Variants in C17orf99 observed in about 807,000 individuals in gnomAD.
C17orf99 encodes protein IL-40.
In C17orf99, 18 loss-of-function variants were observed where a neutral mutation model predicts 22.6. The ratio of observed to expected loss-of-function variants is 0.80; its 90% CI spans 0.55 to 1.18. The LOEUF is 1.18. C17orf99 is among the 50% of genes most tolerant of loss of function. The pLI, the probability that C17orf99 is intolerant of heterozygous loss-of-function variation, is 0.00. For missense variants in C17orf99, 328 were observed against 342.7 expected (o/e 0.96, Z 0.34); for synonymous variants, 147 against 136.6 (o/e 1.08, Z -0.53).
intron 2 of C17orf99, among the ~76,000 whole-genome samples, chr17:78,156,733 A>C: frequency 6.6e-6 from 1 of 151,908 alleles, no homozygotes; most frequent in East Asian, 1.9e-4. Context: ...TCTCCCCTCA[A>C]CCTCTGGAGT....
At chr17:78,161,306 A>G (rs1409303395) in intron 3 of C17orf99, 52 bp downstream of exon 3, 18 of 1,454,204 alleles carry the variant, frequency 1.2e-5, no homozygotes, top group Non-Finnish European at 1.7e-5. Context: ...GTGCAGATCA[A>G]TGGGGAGCTC....
chr17:78,153,708 G>A (rs942905453), intron 2 of C17orf99, among the ~76,000 whole-genome samples: 3 of 151,996 alleles, frequency 2.0e-5, no homozygotes, highest in Non-Finnish European at 2.9e-5. Flanking sequence ...ACTTCCCCAC[G>A]TGAGGCAGGC....
intron 2 of C17orf99, among the ~76,000 whole-genome samples, chr17:78,148,663 C>T (rs1258171916): frequency 6.6e-6 from 1 of 152,064 alleles, no homozygotes; most frequent in Non-Finnish European, 1.5e-5. Flanking sequence ...CAGCAAGGAC[C>T]CGAAGGAGCC....
At chr17:78,161,633 C>T (rs2075577446) in intron 3 of C17orf99, among the ~76,000 whole-genome samples, 1 of 152,102 alleles carries the variant, frequency 6.6e-6, no homozygotes, top group Non-Finnish European at 1.5e-5. Context: ...CGCTTGAGCC[C>T]AGGAGTTCGA....
At position 78,164,205 on chromosome 17, in the gene C17orf99, C is replaced by G. The variant is rs751240787; in HGVS notation, c.481C>G (p.Leu161Val). The G allele has an allele frequency of 1.2e-5, 19 of 1,551,548 alleles. No homozygotes were observed. In the African/African-American group the frequency reaches 2.5e-4, roughly 20 times the overall value. The change falls in exon 4 of 5, where the codon CTG (leucine) becomes GTG (valine). Residue 161 changes from leucine (L) to valine (V), a missense_variant. By Grantham distance (32) the Leu-to-Val change is conservative. Transcript: ENST00000340363. ...GGGCAGCCCACCTATCACCAACAGCCTGATCGGGAAGGATGGGCAGGTCCA... is the reference window on the plus strand; with the variant it reads ...GGGCAGCCCACCTATCACCAACAGCGTGATCGGGAAGGATGGGCAGGTCCA... ...SSGSPPITNS[L>V]IGKDGQVHLQ... is the part of the protein sequence containing the mutation.
chr17:78,162,609 T>G (rs1157092596), intron 3 of C17orf99, among the ~76,000 whole-genome samples: 1 of 151,940 alleles, frequency 6.6e-6, no homozygotes, highest in Non-Finnish European at 1.5e-5. Flanking sequence ...CTTGAACAAC[T>G]CATTGGACCG....
Position 78,164,112 on chromosome 17 carries a change from C to G in C17orf99, c.388C>G (p.Arg130Gly). 1 of 1,551,698 alleles carries G rather than the reference C, an allele frequency of 6.4e-7. No homozygotes were observed. The highest frequency in any genetic ancestry group is 8.7e-7 in the Non-Finnish European group (1 of 1,147,002). Residue 130 changes from arginine (R) to glycine (G), a missense_variant, in exon 4 of 5, where the codon CGG becomes GGG. Coordinates refer to ENST00000340363, the MANE Select transcript of C17orf99 (RefSeq NM_001163075.2). ...ELWSKPVSEL[R>G]ANFTLQDRGA... ...CCTGCCAGAGCCAGTGTCTGAGCTG[C>G]GGGCCAACTTCACTCTGCAGGACAG...
At chr17:78,147,709 G>T (rs1474150728) in intron 2 of C17orf99, among the ~76,000 whole-genome samples, 1 of 152,186 alleles carries the variant, frequency 6.6e-6, no homozygotes, top group Non-Finnish European at 1.5e-5. Flanking sequence ...TTTTGCTAAA[G>T]GGCAGGTACA....
At chr17:78,155,338 A>G (rs1188802719) in intron 2 of C17orf99, among the ~76,000 whole-genome samples, 1 of 152,090 alleles carries the variant, frequency 6.6e-6, no homozygotes, top group Non-Finnish European at 1.5e-5. Flanking sequence ...CAGTTTCCTC[A>G]TTGCAGGGTG....
At chr17:78,162,310 T>C (rs2075584387) in intron 3 of C17orf99, among the ~76,000 whole-genome samples, 1 of 148,470 alleles carries the variant, frequency 6.7e-6, no homozygotes. Context: ...CCAGGCCACA[T>C]GGCTGGCAAG....
At chr17:78,162,524 G>A (rs1339424094) in intron 3 of C17orf99, among the ~76,000 whole-genome samples, 1 of 152,060 alleles carries the variant, frequency 6.6e-6, no homozygotes, top group East Asian at 1.9e-4. Flanking sequence ...GGAAAAGACA[G>A]CCTAGGGGAG....
At chr17:78,156,507 C>T (rs1241563406) in intron 2 of C17orf99, among the ~76,000 whole-genome samples, 1 of 152,042 alleles carries the variant, frequency 6.6e-6, no homozygotes, top group Non-Finnish European at 1.5e-5. Context: ...TGCTGGAATG[C>T]GCTGACGGGC....
rs143179026 is a variant in C17orf99 at position 78,149,255 on chromosome 17, C to G, written c.70+2344C>G. On this transcript the variant is annotated intron_variant, in intron 2 of 4. Coordinates refer to ENST00000340363, the MANE Select transcript of C17orf99 (RefSeq NM_001163075.2). The stretch of plus-strand genomic sequence containing the variant: ...GCTGAGGTGGGAGAATCCCTTGAAC[C>G]CGGCAGGCGGAGGTTGCAGTGAACC... Among the ~76,000 whole-genome samples the G allele has an allele frequency of 4.8e-3, 713 of 148,496 alleles. 6 individuals are homozygous for G. The highest frequency in any genetic ancestry group is 0.021 in the Middle Eastern group (6 of 282).
In C17orf99 at chr17:78,162,583, A is replaced by G. The variant is rs2075586630; in HGVS notation, c.370+1329A>G. Among the ~76,000 whole-genome samples, 4 of 152,084 alleles carry G rather than the reference A, an allele frequency of 2.6e-5. No homozygotes were observed. In the Middle Eastern group the frequency reaches 0.014, roughly 521 times the overall value. On this transcript the variant is annotated intron_variant, in intron 3 of 4. Coordinates refer to ENST00000340363, the MANE Select transcript of C17orf99 (RefSeq NM_001163075.2). The stretch of plus-strand genomic sequence containing the variant: ...ACGGGTCCAAGGTTCAAATCCCTAC[A>G]CTTACTGGCTGGGGTCTTGAACAAC...
chr17:78,164,015 T>G, intron 3 of C17orf99, 80 bp from the exon 4 acceptor site: 1 of 1,239,202 alleles, frequency 8.1e-7, no homozygotes, highest in East Asian at 2.5e-5. Context: ...TTAGGCATTT[T>G]GTAATGAGGA....
intron 2 of C17orf99, among the ~76,000 whole-genome samples, chr17:78,150,139 A>G (rs2075470062): frequency 6.6e-6 from 1 of 151,564 alleles, no homozygotes; most frequent in Non-Finnish European, 1.5e-5. Flanking sequence ...CTCCAGAGTA[A>G]CTGGGACTAT....
chr17:78,154,746 G>C (rs1029982307), intron 2 of C17orf99, among the ~76,000 whole-genome samples: 1 of 152,052 alleles, frequency 6.6e-6, no homozygotes, highest in African/African-American at 2.4e-5. Flanking sequence ...GGAGGCTAAG[G>C]CAGAAGAATT....
intron 2 of C17orf99, chr17:78,157,603 C>G (rs1462271734): frequency 1.9e-6 from 1 of 538,308 alleles, no homozygotes; most frequent in Non-Finnish European, 3.1e-6. Context: ...TCGAAACCAT[C>G]CTGGCTAAAA....
Position 78,165,959 on chromosome 17 carries a change from G to A in C17orf99, c.711G>A (p.Arg237=). 1 of 1,504,234 alleles carries A rather than the reference G, an allele frequency of 6.6e-7. No homozygotes were observed. Among genetic ancestry groups the A allele is most frequent in the East Asian group, 2.5e-5 (1 of 39,974 alleles). The allele number at this position is 1,504,234 out of a possible 1,614,324, so 93.2% of individuals were successfully genotyped here. A position where few individuals can be genotyped will look rare whatever the true frequency, so the allele number is the denominator to read the frequency against. ...ESPILALPLY[R]STRRLSEEEF... ...CCATCCTTGCCTTGCCGCTCTACAGGAGCACCCGCCGTCTGAGTGAAGAGG... is the reference window on the plus strand; with the variant it reads ...CCATCCTTGCCTTGCCGCTCTACAGAAGCACCCGCCGTCTGAGTGAAGAGG... Residue 237 remains arginine, a synonymous_variant, in exon 5 of 5, where the codon AGG becomes AGA. Transcript: ENST00000340363.
Sources: allele counts gnomAD v4.1 joint callset (sites outside exome capture counted in the v4.1 genomes callset), GRCh38; gene constraint gnomAD v4.1.1; transcripts MANE v1.5; gene names NCBI Gene and HGNC (gene_info 2026-07-23, HGNC 2026-07-21).